Variants in SLC23A1 observed in about 807,000 individuals in gnomAD.
SLC23A1 encodes Na(+)/L-ascorbic acid transporter 1.
Under a neutral mutation model 62.5 loss-of-function variants are expected in SLC23A1, and 31 were observed. That is an observed-to-expected ratio of 0.50 (90% CI 0.37 to 0.67). SLC23A1 has a LOEUF of 0.67. Ranked by LOEUF, SLC23A1 falls within the 30% of genes least tolerant of loss-of-function variation. The pLI, the probability that SLC23A1 is intolerant of heterozygous loss-of-function variation, is 0.00. For synonymous variants in SLC23A1, 271 were observed against 313.2 expected, an observed-to-expected ratio of 0.87 and a Z score of 1.42; for missense variants, 640 against 782.7, an observed-to-expected ratio of 0.82 and a Z score of 2.18.
At position 139,367,550 on chromosome 5, in the gene SLC23A1, A is replaced by G. The variant is rs1285404063; in HGVS notation, c.*101T>C. Reference sequence around the variant, plus strand: ...ACTTATCTGAGTTTACACAGAAGTTAGTTAGGGGCAGGGCTGGGATTTCAG... The same window carrying G: ...ACTTATCTGAGTTTACACAGAAGTTGGTTAGGGGCAGGGCTGGGATTTCAG... On this transcript the variant is annotated 3_prime_UTR_variant, in exon 15 of 15. Transcript: ENST00000348729. 1 of 151,568 alleles carries G rather than the reference A, an allele frequency of 6.6e-6. No individual in the cohort carries two copies. The allele number at this position is 151,568 out of a possible 1,614,324, so 9.4% of individuals were successfully genotyped here.
intron 13 of SLC23A1, 69 bp from the exon 14 acceptor site, chr5:139,372,322 A>C: frequency 1.4e-6 from 2 of 1,448,774 alleles, no homozygotes; most frequent in Non-Finnish European, 1.9e-6. Flanking sequence ...CCCATAACCC[A>C]GTCCTAAGGC....
chr5:139,373,747 C>T (rs1757803280), intron 13 of SLC23A1, among the ~76,000 whole-genome samples: 1 of 151,280 alleles, frequency 6.6e-6, no homozygotes, highest in South Asian at 2.1e-4. Context: ...TTGGGCTTGG[C>T]TCTACAAAGG....
chr5:139,383,965 C>G (rs1048319599), upstream of SLC23A1, among the ~76,000 whole-genome samples: 4 of 152,224 alleles, frequency 2.6e-5, no homozygotes, highest in Admixed American at 2.0e-4. Context: ...CTGGCCCAGC[C>G]GGGTCTGCAC....
intron 14 of SLC23A1, among the ~76,000 whole-genome samples, chr5:139,370,703 A>C (rs1187304617): frequency 6.6e-6 from 1 of 151,652 alleles, no homozygotes; most frequent in African/African-American, 2.4e-5. Flanking sequence ...CATGTTGGCC[A>C]GGCTGGACTC....
Position 139,379,259 on chromosome 5 carries a change from C to A in SLC23A1, c.1021G>T (p.Ala341Ser), listed in dbSNP as rs141189553. 6.2e-7 allele frequency: 1 copy of A among 1,614,152 alleles called. No homozygotes were observed. Among genetic ancestry groups the A allele is most frequent in the South Asian group, 1.1e-5 (1 of 91,082 alleles). Residue 341 changes from alanine to serine, a missense_variant, in exon 9 of 15, where the codon GCC becomes TCC. Physicochemically the swap from Ala to Ser is moderately conservative, Grantham distance 99. Coordinates refer to ENST00000348729, the MANE Select transcript of SLC23A1 (RefSeq NM_005847.5). The surrounding 1 kb of genome is among the most constrained non-coding windows in gnomAD (Gnocchi z 4.7). ...GIIESIGDYY[A>S]CARLAGAPPP... ...GGTGCACCAGCCAGGCGGGCACAGG[C>A]GTAGTAATCTCCGATGGACTCAATG...
chr5:139,371,239 C>T (rs943851973), intron 14 of SLC23A1, among the ~76,000 whole-genome samples: 1 of 152,150 alleles, frequency 6.6e-6, no homozygotes, highest in Non-Finnish European at 1.5e-5. Context: ...TATATAAGTA[C>T]TTAAGACATA....
chr5:139,385,260 A>T (rs983283912), upstream of SLC23A1, among the ~76,000 whole-genome samples: 5 of 152,218 alleles, frequency 3.3e-5, no homozygotes, highest in African/African-American at 1.2e-4. Flanking sequence ...CTCACAAACG[A>T]AACTGAAAGT....
chr5:139,383,467 C>T (rs1758389824), upstream of SLC23A1: 1 of 788,168 alleles, frequency 1.3e-6, no homozygotes. Context: ...GCCACATGTG[C>T]CCTTCCCTGC....
intron 2 of SLC23A1, 56 bp from the exon 3 acceptor site, chr5:139,382,105 A>C: frequency 6.5e-7 from 1 of 1,539,596 alleles, no homozygotes; most frequent in Non-Finnish European, 8.8e-7. Flanking sequence ...CTCCAGGGAG[A>C]GGGGACAACC....
In SLC23A1 at chr5:139,379,981, C is replaced by T. The variant is rs764870945; in HGVS notation, c.743G>A (p.Arg248His). 40 of 1,613,962 alleles carry T rather than the reference C, an allele frequency of 2.5e-5. No individual in the cohort carries two copies. Among genetic ancestry groups the T allele is most frequent in the Non-Finnish European group, 3.1e-5 (37 of 1,180,008 alleles). Residue 248 changes from arginine to histidine, a missense_variant, in exon 7 of 15, where the codon CGC (arginine) becomes CAC (histidine). Arg to His is a conservative substitution (Grantham distance 29). Coordinates refer to ENST00000348729, the MANE Select transcript of SLC23A1 (RefSeq NM_005847.5). This position sits in a 1 kb window ranked among gnomAD's most constrained non-coding sequence, Gnocchi z 4.7. ...YRWGKGLTLL[R>H]IQIFKMFPIM... ...AGGAAACATTTTGAAGATCTGGATG[C>T]GGAGGAGAGTGAGGCCCTTGCCCCA...
chr5:139,372,235 CCA>C lies in SLC23A1; in HGVS notation c.1566_1567del (p.Gly523SerfsTer13). 6.2e-7 allele frequency: 1 copy of C among 1,613,728 alleles called. No homozygotes were observed. The highest frequency in any genetic ancestry group is 8.5e-7 in the Non-Finnish European group (1 of 1,179,764). On this transcript the variant is annotated frameshift_variant, in exon 14 of 15. Coordinates refer to ENST00000348729, the MANE Select transcript of SLC23A1 (RefSeq NM_005847.5). LOFTEE classifies it high-confidence loss of function. ...AGCCCCAGCTTTCCACTGTATCAGACCACGCTCCTCTGGGCTCCCTGGAAGAG... is the reference window on the plus strand; with the variant it reads ...AGCCCCAGCTTTCCACTGTATCAGACCGCTCCTCTGGGCTCCCTGGAAGAG...
chr5:139,376,712 G>A (rs1165642357), intron 13 of SLC23A1, among the ~76,000 whole-genome samples: 1 of 152,180 alleles, frequency 6.6e-6, no homozygotes, highest in Non-Finnish European at 1.5e-5. Context: ...AGTCGCCATT[G>A]TGGCAGGCTG....
At chr5:139,375,112 A>G (rs1263753361) in intron 13 of SLC23A1, among the ~76,000 whole-genome samples, 3 of 152,226 alleles carry the variant, frequency 2.0e-5, no homozygotes, top group Admixed American at 6.5e-5. Flanking sequence ...TTATGTGAAC[A>G]TGAACACTTG....
chr5:139,379,579 C>T lies in SLC23A1; in HGVS notation c.925+99G>A. On this transcript the variant is annotated intron_variant, in intron 8 of 14. Coordinates refer to ENST00000348729, the MANE Select transcript of SLC23A1 (RefSeq NM_005847.5). This position sits in a 1 kb window ranked among gnomAD's most constrained non-coding sequence, Gnocchi z 4.7. ...TGCTGGGCGCACTATAAATGTGCGGCTAATGCTAGGTGTGTCACCTGCTGG... is the reference window on the plus strand; with the variant it reads ...TGCTGGGCGCACTATAAATGTGCGGTTAATGCTAGGTGTGTCACCTGCTGG... 3 of 1,232,678 alleles carry T rather than the reference C, an allele frequency of 2.4e-6. No individual in the cohort carries two copies. The highest frequency in any genetic ancestry group is 3.5e-6 in the Non-Finnish European group (3 of 854,586). The allele number at this position is 1,232,678 out of a possible 1,614,324, so 76.4% of individuals were successfully genotyped here.
At position 139,379,436 on chromosome 5, in the gene SLC23A1, GC is replaced by G; in HGVS notation, c.926-83del. On this transcript the variant is annotated intron_variant, in intron 8 of 14. Transcript: ENST00000348729. The surrounding 1 kb of genome is among the most constrained non-coding windows in gnomAD (Gnocchi z 4.7). ...AATAGACAGGGCAGTGCTGGAAGGA[GC>G]AAGAGCAGATCAGGAGACCTCAGGC... 7.1e-7 allele frequency: 1 copy of G among 1,412,106 alleles called. No individual in the cohort carries two copies. Among genetic ancestry groups the G allele is most frequent in the Non-Finnish European group, 1.0e-6 (1 of 1,003,892 alleles). The allele number at this position is 1,412,106 out of a possible 1,614,324, so 87.5% of individuals were successfully genotyped here.
intron 14 of SLC23A1, among the ~76,000 whole-genome samples, chr5:139,370,229 G>A (rs1344002763): frequency 1.3e-5 from 2 of 152,266 alleles, no homozygotes; most frequent in Non-Finnish European, 2.9e-5. Context: ...GAAGTACAGT[G>A]GCACGATCTC....
At chr5:139,376,982 C>T (rs1419974359) in intron 13 of SLC23A1, among the ~76,000 whole-genome samples, 8 of 152,026 alleles carry the variant, frequency 5.3e-5, no homozygotes, top group African/African-American at 1.9e-4. Flanking sequence ...ATTAGCTGGG[C>T]GTGGTGGCAG....
At chr5:139,368,598 G>T in intron 14 of SLC23A1, 1 of 619,942 alleles carries the variant, frequency 1.6e-6, no homozygotes, top group Non-Finnish European at 2.9e-6. Flanking sequence ...TTCCTTTTTG[G>T]GGTTTAGTAT....
chr5:139,379,364 G>A lies in SLC23A1; in HGVS notation c.926-10C>T. 2 of 1,613,668 alleles carry A rather than the reference G, an allele frequency of 1.2e-6. No individual in the cohort carries two copies. Among genetic ancestry groups the A allele is most frequent in the Non-Finnish European group, 1.7e-6 (2 of 1,179,556 alleles). On this transcript the variant is annotated splice_polypyrimidine_tract_variant and intron_variant, in intron 8 of 14. Transcript: ENST00000348729. This position sits in a 1 kb window ranked among gnomAD's most constrained non-coding sequence, Gnocchi z 4.7. ...GGCAGGCCCCACTGACCTGTGCTCG[G>A]AGGGAGACAGGATGGTGGCTACAGT...
Sources: gnomAD v4.1 joint callset for allele counts (sites outside exome capture counted in the v4.1 genomes callset) on GRCh38, gnomAD v4.1.1 for gene constraint, Gnocchi (gnomAD v3.1) non-coding constraint, MANE v1.5 for transcripts, NCBI Gene and HGNC (gene_info 2026-07-23, HGNC 2026-07-21) for gene names.